AKAP19: variants seen among roughly 807,000 people sequenced by gnomAD.
The protein encoded by AKAP19 is small A-kinase anchoring protein.
At chr2:190,196,344 A>AATGAATTTTTCATTTCACATCTTGTAC in the AKAP19 span, among the ~76,000 whole-genome samples, 19 of 152,148 alleles carry the variant, frequency 1.2e-4, no homozygotes, top group Non-Finnish European at 2.5e-4. Context: ...TAGTCCACAC[A>AATGAATTTTTCATTTCACATCTTGTAC]ATGAATTTTT....
chr2:190,090,239 C>T, the AKAP19 span, among the ~76,000 whole-genome samples: 17 of 152,214 alleles, frequency 1.1e-4, no homozygotes, highest in Non-Finnish European at 1.9e-4. Context: ...TGTTAGCAAG[C>T]GAAGAAAGCC....
At chr2:190,108,992 T>C in the AKAP19 span, among the ~76,000 whole-genome samples, 4 of 152,172 alleles carry the variant, frequency 2.6e-5, no homozygotes, top group Admixed American at 6.5e-5. Context: ...TGTTGGTTTA[T>C]AATATTGTGG....
the AKAP19 span, among the ~76,000 whole-genome samples, chr2:190,168,561 C>A: frequency 6.6e-6 from 1 of 152,184 alleles, no homozygotes; most frequent in African/African-American, 2.4e-5. Flanking sequence ...ATTTTCTGAA[C>A]TTTTATGCTC....
At chr2:190,199,150 TG>T in the AKAP19 span, among the ~76,000 whole-genome samples, 1 of 152,168 alleles carries the variant, frequency 6.6e-6, no homozygotes, top group African/African-American at 2.4e-5. Context: ...TCATGAGGTT[TG>T]GGGAGGAACA....
the AKAP19 span, chr2:190,199,876 T>G: frequency 1.2e-6 from 2 of 1,613,570 alleles, no homozygotes; most frequent in South Asian, 2.2e-5. Flanking sequence ...CTGCATGAAA[T>G]CAAAGCAAAC....
the AKAP19 span, among the ~76,000 whole-genome samples, chr2:190,112,052 C>T: frequency 1.3e-5 from 2 of 152,262 alleles, no homozygotes; most frequent in East Asian, 1.9e-4. Context: ...CACCTGCCAC[C>T]ACACCCAGCT....
At chr2:190,170,174 T>C in the AKAP19 span, among the ~76,000 whole-genome samples, 1 of 152,184 alleles carries the variant, frequency 6.6e-6, no homozygotes, top group Non-Finnish European at 1.5e-5. Flanking sequence ...GTTTCTGTTT[T>C]TATAGGGGCA....
the AKAP19 span, among the ~76,000 whole-genome samples, chr2:190,052,086 G>A: frequency 8.6e-5 from 13 of 151,950 alleles, no homozygotes; most frequent in African/African-American, 2.4e-4. Context: ...TGATCCGCCC[G>A]CCTCAGCCTC....
chr2:189,908,199 C>T, the AKAP19 span, among the ~76,000 whole-genome samples: 82 of 141,328 alleles, frequency 5.8e-4, no homozygotes, highest in African/African-American at 2.0e-3. Flanking sequence ...TTACTATATA[C>T]TTTTTTTTTT....
At chr2:189,917,208 T>C in the AKAP19 span, 12 of 860,842 alleles carry the variant, frequency 1.4e-5, no homozygotes, top group Non-Finnish European at 2.1e-5. Context: ...CAAAATGCAG[T>C]GATCAAAATA....
At chr2:189,885,878 G>A in the AKAP19 span, among the ~76,000 whole-genome samples, 4 of 151,860 alleles carry the variant, frequency 2.6e-5, no homozygotes, top group South Asian at 2.1e-4. Flanking sequence ...GTACAATCTC[G>A]GCTCACTGCA....
the AKAP19 span, among the ~76,000 whole-genome samples, chr2:190,044,344 T>C: frequency 6.6e-6 from 1 of 152,034 alleles, no homozygotes; most frequent in Non-Finnish European, 1.5e-5. Context: ...GAATGGAGTG[T>C]CTTTGTGCTG....
At chr2:190,120,855 G>A in the AKAP19 span, among the ~76,000 whole-genome samples, 1 of 152,132 alleles carries the variant, frequency 6.6e-6, no homozygotes, top group African/African-American at 2.4e-5. Context: ...TTGCTTGGAT[G>A]ATAAAGGAAT....
the AKAP19 span, among the ~76,000 whole-genome samples, chr2:190,050,807 A>G: frequency 2.0e-5 from 3 of 152,298 alleles, no homozygotes; most frequent in Middle Eastern, 3.4e-3. Flanking sequence ...GAGGCTTCAG[A>G]CACTGGTATT....
chr2:190,135,310 T>C, the AKAP19 span, among the ~76,000 whole-genome samples: 1 of 152,270 alleles, frequency 6.6e-6, no homozygotes, highest in East Asian at 1.9e-4. Context: ...TGGAACGTGG[T>C]TTTTAAAATC....
chr2:190,131,249 A>AAAGACT, the AKAP19 span, among the ~76,000 whole-genome samples: 5 of 152,188 alleles, frequency 3.3e-5, no homozygotes, highest in Non-Finnish European at 5.9e-5. Flanking sequence ...TGATCACCAG[A>AAAGACT]AAGACTAAGC....
chr2:189,883,193 T>C, the AKAP19 span, among the ~76,000 whole-genome samples: 1 of 152,190 alleles, frequency 6.6e-6, no homozygotes, highest in African/African-American at 2.4e-5. Flanking sequence ...GGGGTGGGAC[T>C]GAAAATTTTC....
chr2:189,903,846 A>G, the AKAP19 span, among the ~76,000 whole-genome samples: 2 of 151,862 alleles, frequency 1.3e-5, no homozygotes, highest in East Asian at 1.9e-4. Context: ...ATTTATGTCC[A>G]TGTGTGCTCA....
chr2:190,177,648 A>G, the AKAP19 span, among the ~76,000 whole-genome samples: 1 of 152,216 alleles, frequency 6.6e-6, no homozygotes, highest in Non-Finnish European at 1.5e-5. This position sits in a 1 kb window ranked among gnomAD's most constrained non-coding sequence, Gnocchi z 4.6. Context: ...TCGTTTAAGT[A>G]GAGAAACCAG....
Sources: gnomAD v4.1 joint callset for allele counts (sites outside exome capture counted in the v4.1 genomes callset) on GRCh38, gnomAD v4.1.1 for gene constraint, Gnocchi (gnomAD v3.1) non-coding constraint, MANE v1.5 for transcripts, NCBI Gene and HGNC (gene_info 2026-07-23, HGNC 2026-07-21) for gene names.